UBR3: variants seen among roughly 807,000 people sequenced by gnomAD.
The protein encoded by UBR3 is ubiquitin protein ligase E3 component n-recognin 3.
Under a neutral mutation model 243.2 loss-of-function variants are expected in UBR3, and 85 were observed. That is an observed-to-expected ratio of 0.35 (90% confidence interval 0.29 to 0.42). UBR3 has a LOEUF of 0.42. UBR3 is among the 10% of genes least tolerant of loss of function. The pLI is 1.00. For synonymous variants in UBR3, 748 were observed against 799.8 expected (o/e 0.94, Z 1.09); for missense variants, 1,686 against 2,300.8 (o/e 0.73, Z 5.47).
At chr2:169,845,531 G>GTCGTCGTCGTCT (rs1417692949) in intron 1 of UBR3, among the ~76,000 whole-genome samples, 4 of 105,182 alleles carry the variant, frequency 3.8e-5, no homozygotes, top group African/African-American at 7.9e-5. Context: ...CGTCGTCGTC[G>GTCGTCGTCGTCT]TCTTCTTCTT....
At chr2:169,920,436 T>C (rs1007803946) in intron 11 of UBR3, among the ~76,000 whole-genome samples, 3 of 150,976 alleles carry the variant, frequency 2.0e-5, no homozygotes, top group African/African-American at 7.3e-5. Context: ...CTGCACATTG[T>C]GCACATGTAC....
chr2:169,829,426 T>G (rs1225591657), intron 1 of UBR3, among the ~76,000 whole-genome samples: 11 of 136,180 alleles, frequency 8.1e-5, no homozygotes, highest in Non-Finnish European at 8.3e-5. Flanking sequence ...ATTTGAGTTT[T>G]TTTTTTTTTT....
chr2:169,897,431 C>G (rs1410976337), intron 8 of UBR3, among the ~76,000 whole-genome samples: 3 of 151,916 alleles, frequency 2.0e-5, no homozygotes, highest in East Asian at 3.9e-4. Context: ...CCCTTAAATT[C>G]TATATATATG....
In UBR3 at chr2:169,994,463, A is replaced by G. The variant is rs780551221; in HGVS notation, c.3918+7A>G. On this transcript the variant is annotated splice_region_variant and intron_variant, in intron 26 of 38. Coordinates refer to ENST00000272793, the MANE Select transcript of UBR3 (RefSeq NM_172070.4). ...ACAGCGTTATTTTAAGGATGTAAGT[A>G]CTCTTTATAAAATAGTACTTTTGTC... is the stretch of plus-strand genomic sequence containing the variant. 6 of 1,611,334 alleles carry G rather than the reference A, an allele frequency of 3.7e-6. No individual in the cohort carries two copies. In the South Asian group the frequency reaches 5.5e-5, roughly 15 times the overall value.
chr2:170,016,788 CCA>C (rs751540798), intron 30 of UBR3: 1 of 427,610 alleles, frequency 2.3e-6, no homozygotes, highest in South Asian at 6.4e-5. Context: ...ACTTTAATTA[CCA>C]GAGTCAATTT....
chr2:169,879,418 A>ATT (rs1415157802), intron 5 of UBR3, among the ~76,000 whole-genome samples: 1 of 152,048 alleles, frequency 6.6e-6, no homozygotes, highest in East Asian at 1.9e-4. Context: ...CCCCTCTAAA[A>ATT]AGGCTTTCAC....
At chr2:170,030,250 C>T (rs927377894) in intron 31 of UBR3, among the ~76,000 whole-genome samples, 14 of 152,056 alleles carry the variant, frequency 9.2e-5, no homozygotes, top group African/African-American at 2.9e-4. Flanking sequence ...CAAGTTGGCC[C>T]GGGTTCGTTT....
chr2:169,840,611 T>A (rs915576073), intron 1 of UBR3, among the ~76,000 whole-genome samples: 4 of 152,138 alleles, frequency 2.6e-5, no homozygotes, highest in African/African-American at 7.2e-5. Flanking sequence ...GTGGAGACTC[T>A]CTCTGGTGGA....
intron 24 of UBR3, 23 bp downstream of exon 24, chr2:169,958,549 G>A (rs747214342): frequency 4.4e-6 from 7 of 1,595,640 alleles, no homozygotes; most frequent in Non-Finnish European, 6.0e-6. Flanking sequence ...TATTAGTTTA[G>A]AACTCTCATA....
chr2:169,835,293 G>T (rs2082048508), intron 1 of UBR3, among the ~76,000 whole-genome samples: 1 of 152,054 alleles, frequency 6.6e-6, no homozygotes, highest in Non-Finnish European at 1.5e-5. Context: ...GGAGTAAGAG[G>T]CTGCAGTGGA....
rs1558999105 is a variant in UBR3, at chr2:169,836,065, A to AT, written c.545+8014dup. On this transcript the variant is annotated intron_variant, in intron 1 of 38. Coordinates refer to ENST00000272793, the MANE Select transcript of UBR3 (RefSeq NM_172070.4). The stretch of plus-strand genomic sequence containing the variant: ...TCTCTATATATATATATATATATAT[A>AT]TATTTTTTTTTTTTTTTTTTTTTTT... Among the ~76,000 whole-genome samples, 109 of 27,938 alleles carry AT rather than the reference A, an allele frequency of 3.9e-3. 24 individuals carry two copies. The highest frequency in any genetic ancestry group is 8.1e-3 in the African/African-American group (71 of 8,768). 18.3% of individuals were successfully genotyped at this position (27,938 alleles called of 152,430 possible). A position where few individuals can be genotyped will look rare whatever the true frequency, so the allele number is the denominator to read the frequency against.
In UBR3 at chr2:169,905,100, G is replaced by T. The variant is rs773732449; in HGVS notation, c.1466-14G>T. 196 of 1,446,904 alleles carry T rather than the reference G, an allele frequency of 1.4e-4. No homozygotes were observed. Among genetic ancestry groups the T allele is most frequent in the Non-Finnish European group, 1.7e-4 (183 of 1,098,568 alleles). 89.6% of individuals were successfully genotyped at this position (1,446,904 alleles called of 1,614,324 possible). A position where few individuals can be genotyped will look rare whatever the true frequency, so the allele number is the denominator to read the frequency against. ...ATCTTATGAAATTTTTGGGTTGTGT[G>T]TGTCTTTTTTTAGATGAAGAAAATA... is the stretch of plus-strand genomic sequence containing the variant. On this transcript the variant is annotated splice_polypyrimidine_tract_variant and intron_variant, in intron 8 of 38. Transcript: ENST00000272793.
Position 169,891,249 on chromosome 2 carries a change from TA to T in UBR3, c.1105+19del. On this transcript the variant is annotated intron_variant, in intron 6 of 38. Coordinates refer to ENST00000272793, the MANE Select transcript of UBR3 (RefSeq NM_172070.4). Reference sequence around the variant, plus strand: ...CACCAAAGGTATTTGTATTTATTATTATTTTTTTCCTTGAATAAAATGCTTC... The same window carrying T: ...CACCAAAGGTATTTGTATTTATTATTTTTTTTTCCTTGAATAAAATGCTTC... 1 of 1,537,294 alleles carries T rather than the reference TA, an allele frequency of 6.5e-7. No homozygotes were observed. Among genetic ancestry groups the T allele is most frequent in the Non-Finnish European group, 8.8e-7 (1 of 1,136,994 alleles).
chr2:169,836,710 A>C (rs1033472419), intron 1 of UBR3, among the ~76,000 whole-genome samples: 2 of 151,704 alleles, frequency 1.3e-5, no homozygotes, highest in South Asian at 2.1e-4. Flanking sequence ...TGTTGGATAC[A>C]AACATCTTTT....
chr2:169,992,205 A>G (rs1474705269), intron 25 of UBR3, among the ~76,000 whole-genome samples: 2 of 152,180 alleles, frequency 1.3e-5, no homozygotes, highest in Admixed American at 6.5e-5. Context: ...TACCAAATGG[A>G]CCCAAGAAGT....
intron 1 of UBR3, among the ~76,000 whole-genome samples, chr2:169,866,256 CA>C (rs143250064): frequency 0.89 from 100,710 of 113,238 alleles, 44,239 homozygotes; most frequent in East Asian, 0.97. Flanking sequence ...GACTGTGTCT[CA>C]AAAAAAAAAA....
At chr2:169,944,910 A>G (rs2086727706) in intron 20 of UBR3, among the ~76,000 whole-genome samples, 1 of 152,102 alleles carries the variant, frequency 6.6e-6, no homozygotes, top group African/African-American at 2.4e-5. Context: ...TGTGTGGCTG[A>G]GCCTTGGTTT....
intron 35 of UBR3, among the ~76,000 whole-genome samples, chr2:170,072,395 G>A (rs1574481893): frequency 6.6e-6 from 1 of 151,368 alleles, no homozygotes; most frequent in Non-Finnish European, 1.5e-5. Context: ...ACACAGGAAG[G>A]GGAACATCAC....
intron 5 of UBR3, among the ~76,000 whole-genome samples, chr2:169,890,178 A>G (rs1395444096): frequency 2.6e-5 from 4 of 152,036 alleles, no homozygotes; most frequent in Admixed American, 2.6e-4. Context: ...TCAGCACCAT[A>G]CTAAGAAAAT....
Sources: gnomAD v4.1 joint callset for allele counts (sites outside exome capture counted in the v4.1 genomes callset) on GRCh38, gnomAD v4.1.1 for gene constraint, MANE v1.5 for transcripts, NCBI Gene and HGNC (gene_info 2026-07-23, HGNC 2026-07-21) for gene names.